Variants in PLEKHM1 observed in about 807,000 individuals in gnomAD.
PLEKHM1 encodes pleckstrin homology and RUN domain containing M1.
PLEKHM1 carries 28 observed loss-of-function variants against 94.3 expected under a neutral mutation model. The observed-to-expected ratio is 0.30, with a 90% confidence interval of 0.22 to 0.41. The LOEUF is 0.41. Among genes scored for constraint, PLEKHM1 ranks in the 10% least tolerant of loss-of-function variants. PLEKHM1 has a pLI of 1.00. For synonymous variants in PLEKHM1, 424 were observed against 581.2 expected, an observed-to-expected ratio of 0.73 and a Z score of 3.89; for missense variants, 907 against 1,358.6, an observed-to-expected ratio of 0.67 and a Z score of 5.22.
At chr17:45,464,752 A>G (rs1032918107) in intron 5 of PLEKHM1, among the ~76,000 whole-genome samples, 3 of 152,208 alleles carry the variant, frequency 2.0e-5, no homozygotes, top group African/African-American at 7.2e-5. Flanking sequence ...ACAGAGGCAG[A>G]GCCTGCCATG....
chr17:45,441,594 G>A (rs1166155959), intron 9 of PLEKHM1, among the ~76,000 whole-genome samples: 1 of 152,158 alleles, frequency 6.6e-6, no homozygotes, highest in Non-Finnish European at 1.5e-5. Flanking sequence ...GACCACAGTC[G>A]TGGAAGCCCT....
At chr17:45,472,850 T>G (rs770954571) in intron 4 of PLEKHM1, among the ~76,000 whole-genome samples, 2 of 152,112 alleles carry the variant, frequency 1.3e-5, no homozygotes, top group Non-Finnish European at 2.9e-5. Flanking sequence ...CTTTCCATGG[T>G]GGGTGAGAAC....
chr17:45,466,720 A>G (rs2051331813), intron 5 of PLEKHM1, among the ~76,000 whole-genome samples: 3 of 152,266 alleles, frequency 2.0e-5, no homozygotes, highest in South Asian at 2.1e-4. Flanking sequence ...CTAAAATTAA[A>G]AAGATTGGTA....
intron 1 of PLEKHM1, among the ~76,000 whole-genome samples, chr17:45,489,217 C>G (rs1035670423): frequency 1.3e-5 from 2 of 152,180 alleles, no homozygotes; most frequent in Non-Finnish European, 1.5e-5. Flanking sequence ...TAGGCCTCAG[C>G]CTCCCCAGGA....
intron 6 of PLEKHM1, among the ~76,000 whole-genome samples, chr17:45,456,582 G>C (rs2050955507): frequency 6.6e-6 from 1 of 152,198 alleles, no homozygotes; most frequent in Non-Finnish European, 1.5e-5. Flanking sequence ...TCGCTGGCAG[G>C]TTAGAGACCA....
At chr17:45,458,120 G>A (rs769323254) in intron 6 of PLEKHM1, 49 bp downstream of exon 6, 34 of 1,565,406 alleles carry the variant, frequency 2.2e-5, no homozygotes, top group Non-Finnish European at 2.8e-5. Flanking sequence ...CTTCTGAAAG[G>A]CCTGGTCCCT....
rs750074826 is a variant in PLEKHM1, at chr17:45,458,212, G to C, written c.1536C>G (p.Ser512=). Residue 512 remains serine, a synonymous_variant, in exon 6 of 12, where the codon TCC becomes TCG. Coordinates refer to ENST00000430334, the MANE Select transcript of PLEKHM1 (RefSeq NM_014798.3). ...PGRRQAQAAP[S]QGHKSFRVVH... ...CCACCCGGAAGCTCTTATGCCCCTG[G>C]GATGGGGCTGCCTGGGCTTGCCTTC... is the stretch of plus-strand genomic sequence containing the variant. The C allele has an allele frequency of 1.2e-6, 2 of 1,613,534 alleles. No individual in the cohort carries two copies. The highest frequency in any genetic ancestry group is 4.5e-5 in the East Asian group (2 of 44,872).
chr17:45,438,300 G>A (rs574966856), intron 11 of PLEKHM1, among the ~76,000 whole-genome samples: 30 of 152,256 alleles, frequency 2.0e-4, no homozygotes, highest in East Asian at 9.7e-4. Context: ...TTGGGAGGCC[G>A]AGGTGGGCGG....
chr17:45,448,462 C>A lies in PLEKHM1; in HGVS notation c.2643+2156G>T, dbSNP rs367653754. 3.0e-4 allele frequency among the ~76,000 whole-genome samples: 46 copies of A among 152,356 alleles called. No homozygotes were observed. The East Asian group carries it at 4.6e-3, about 15-fold the overall frequency. ...TACATAGCTGGCAGGCCCTGGCTCT[C>A]CAGAGGAGCAAACAGCTTCTTCCTT... is the stretch of plus-strand genomic sequence containing the variant. On this transcript the variant is annotated intron_variant, in intron 8 of 11. Transcript: ENST00000430334.
chr17:45,462,046 G>A lies in PLEKHM1; in HGVS notation c.1309-3607C>T, dbSNP rs192352208. Among the ~76,000 whole-genome samples the A allele has an allele frequency of 2.7e-3, 417 of 152,192 alleles. 5 individuals are homozygous for A. Among genetic ancestry groups the A allele is most frequent in the Non-Finnish European group, 2.4e-4 (16 of 68,014 alleles). On this transcript the variant is annotated intron_variant, in intron 5 of 11. Coordinates refer to ENST00000430334, the MANE Select transcript of PLEKHM1 (RefSeq NM_014798.3). ...GTGCCACTAACCTCACCCTGACATC[G>A]CTATTTCCAGTCCCTGAATCAAGAC...
rs746647496 is a variant in PLEKHM1 at position 45,436,974 on chromosome 17, G to A, written c.*884C>T. The A allele has an allele frequency of 2.7e-5, 12 of 448,940 alleles. No homozygotes were observed. Among genetic ancestry groups the A allele is most frequent in the South Asian group, 7.8e-5 (5 of 64,358 alleles). The allele number at this position is 448,940 out of a possible 1,614,324, so 27.8% of individuals were successfully genotyped here. ...GTGGGCCTGGAGCATCTGCAGCAGCGCCCCTGTCTGTAGAGGGGTGAGGAG... is the reference window on the plus strand; with the variant it reads ...GTGGGCCTGGAGCATCTGCAGCAGCACCCCTGTCTGTAGAGGGGTGAGGAG... On this transcript the variant is annotated 3_prime_UTR_variant, in exon 12 of 12. Transcript: ENST00000430334.
chr17:45,457,549 A>G (rs1157275292), intron 6 of PLEKHM1, among the ~76,000 whole-genome samples: 1 of 150,840 alleles, frequency 6.6e-6, no homozygotes, highest in Non-Finnish European at 1.5e-5. Flanking sequence ...AACAAAAGGG[A>G]AACTCCACCT....
At chr17:45,455,345 C>T (rs377139167) in intron 6 of PLEKHM1, among the ~76,000 whole-genome samples, 4 of 152,080 alleles carry the variant, frequency 2.6e-5, no homozygotes, top group African/African-American at 9.6e-5. Context: ...CGTTAGAGTG[C>T]CCAGATGTCA....
chr17:45,448,708 T>C, intron 8 of PLEKHM1, among the ~76,000 whole-genome samples: 1 of 152,128 alleles, frequency 6.6e-6, no homozygotes, highest in East Asian at 1.9e-4. Context: ...ACACAGACAC[T>C]GTTGTTAACC....
At position 45,475,427 on chromosome 17, in the gene PLEKHM1, C is replaced by A. The variant is rs778066098; in HGVS notation, c.596G>T (p.Cys199Phe). Reference sequence around the variant, plus strand: ...GAGAGGGTCCAGCTCAGAAAGCGGGCAAAGCCCAGACAGGGCCAATGGGGT... The same window carrying A: ...GAGAGGGTCCAGCTCAGAAAGCGGGAAAAGCCCAGACAGGGCCAATGGGGT... ...TLTPLALSGL[C>F]PLSELDPLST... Residue 199 changes from cysteine to phenylalanine, a missense_variant, in exon 4 of 12, where the codon TGC (cysteine) becomes TTC (phenylalanine). Coordinates refer to ENST00000430334, the MANE Select transcript of PLEKHM1 (RefSeq NM_014798.3). The A allele has an allele frequency of 1.2e-6, 2 of 1,610,590 alleles. No individual in the cohort carries two copies. Among genetic ancestry groups the A allele is most frequent in the Admixed American group, 3.3e-5 (2 of 59,942 alleles).
intron 5 of PLEKHM1, chr17:45,464,139 C>T (rs1004131614): frequency 1.3e-5 from 2 of 152,260 alleles, no homozygotes; most frequent in Non-Finnish European, 2.9e-5. Flanking sequence ...ACCCCCAGAT[C>T]CCAGACATGC....
At chr17:45,482,566 T>C (rs769054967) in intron 1 of PLEKHM1, 41 bp from the exon 2 acceptor site, 10 of 1,075,414 alleles carry the variant, frequency 9.3e-6, no homozygotes, top group Admixed American at 1.8e-5. Context: ...GGCAGGGAAC[T>C]TTCCCCCAGC....
At chr17:45,446,627 T>C (rs908638384) in intron 8 of PLEKHM1, among the ~76,000 whole-genome samples, 4 of 152,216 alleles carry the variant, frequency 2.6e-5, no homozygotes, top group African/African-American at 9.6e-5. Context: ...TAACTAGTCC[T>C]CTCGTTACAT....
At position 45,453,869 on chromosome 17, in the gene PLEKHM1, G is replaced by A. The variant is rs1245244631; in HGVS notation, c.1983C>T (p.Leu661=). Residue 661 remains leucine, a synonymous_variant, in exon 7 of 12, where the codon CTC becomes CTT. Transcript: ENST00000430334. The surrounding 1 kb of genome is among the most constrained non-coding windows in gnomAD (Gnocchi z 4.1). ...TGCCCTGGAGGGCCGCGGGCTCCGA[G>A]AGCAGGTCTGAGGGAGAGAGGCAGC... ...PQGCLSPSDL[L]SEPAALQGTQ... The A allele has an allele frequency of 1.2e-6, 2 of 1,613,866 alleles. No homozygotes were observed. Among genetic ancestry groups the A allele is most frequent in the African/African-American group, 2.7e-5 (2 of 74,942 alleles).
Sources: allele counts gnomAD v4.1 joint callset (sites outside exome capture counted in the v4.1 genomes callset), GRCh38; gene constraint gnomAD v4.1.1; non-coding constraint Gnocchi (gnomAD v3.1); transcripts MANE v1.5; gene names NCBI Gene and HGNC (gene_info 2026-07-23, HGNC 2026-07-21).